Variants in SPTLC3 observed in about 807,000 individuals in gnomAD.
SPTLC3 encodes serine palmitoyltransferase 3.
In SPTLC3, 36 loss-of-function variants were observed where a neutral mutation model predicts 59.3. The ratio of observed to expected loss-of-function variants is 0.61; its 90% confidence interval spans 0.47 to 0.80. The LOEUF is 0.80. SPTLC3 is among the 30% of genes least tolerant of loss of function. The pLI is 0.00. For missense variants in SPTLC3, 625 were observed against 685.1 expected (o/e 0.91, Z 0.98); for synonymous variants, 257 against 240.8 (o/e 1.07, Z -0.62).
At chr20:13,056,466 T>C (rs1408953504) in intron 2 of SPTLC3, among the ~76,000 whole-genome samples, 1 of 150,952 alleles carries the variant, frequency 6.6e-6, no homozygotes, top group African/African-American at 2.4e-5. Context: ...TCTTTTTTTT[T>C]TTTTTGAGAC....
At chr20:13,084,921 A>G (rs1793285499) in intron 4 of SPTLC3, among the ~76,000 whole-genome samples, 1 of 152,230 alleles carries the variant, frequency 6.6e-6, no homozygotes, top group Non-Finnish European at 1.5e-5. Context: ...CTGTCTACTT[A>G]GAAAATCTTC....
chr20:13,010,314 C>T (rs1036862514), intron 1 of SPTLC3, among the ~76,000 whole-genome samples: 4 of 152,146 alleles, frequency 2.6e-5, no homozygotes, highest in East Asian at 1.9e-4. Flanking sequence ...TGCAATCTTC[C>T]ATCATTTGAT....
At chr20:13,040,075 G>GTA (rs1425451363) in intron 1 of SPTLC3, among the ~76,000 whole-genome samples, 3 of 140,892 alleles carry the variant, frequency 2.1e-5, no homozygotes, top group Non-Finnish European at 4.8e-5. Flanking sequence ...GTGTGTGTGT[G>GTA]TGTATGTATA....
intron 11 of SPTLC3, among the ~76,000 whole-genome samples, chr20:13,163,970 T>C (rs1045079993): frequency 1.2e-4 from 18 of 152,106 alleles, no homozygotes; most frequent in Admixed American, 2.0e-4. Context: ...TTGTTACATA[T>C]GTATACATGT....
At position 13,167,238 on chromosome 20, in the gene SPTLC3, T is replaced by C. The variant is rs1253617680; in HGVS notation, c.*2371T>C. The C allele has an allele frequency of 1.3e-5, 2 of 152,102 alleles. No individual in the cohort carries two copies. Among genetic ancestry groups the C allele is most frequent in the Non-Finnish European group, 2.9e-5 (2 of 67,998 alleles). The allele number at this position is 152,102 out of a possible 1,614,324, so 9.4% of individuals were successfully genotyped here. A position where few individuals can be genotyped will look rare whatever the true frequency, so the allele number is the denominator to read the frequency against. ...AAAAAGCTCTCAAATGCTAGGCTAA[T>C]AAGTTCATGATTTTAATTCATGATT... On this transcript the variant is annotated 3_prime_UTR_variant, in exon 12 of 12. Transcript: ENST00000399002.
intron 2 of SPTLC3, among the ~76,000 whole-genome samples, chr20:13,067,208 T>C (rs557654297): frequency 6.6e-6 from 1 of 151,964 alleles, no homozygotes; most frequent in South Asian, 2.1e-4. Context: ...TTTCTCTACA[T>C]TGGGGCATTG....
intron 1 of SPTLC3, among the ~76,000 whole-genome samples, chr20:13,023,380 G>A (rs1463697861): frequency 6.6e-6 from 1 of 152,028 alleles, no homozygotes; most frequent in African/African-American, 2.4e-5. Flanking sequence ...TAGACTGTGA[G>A]GTCCACCTGG....
At chr20:13,060,874 A>G (rs1183747774) in intron 2 of SPTLC3, among the ~76,000 whole-genome samples, 1 of 151,808 alleles carries the variant, frequency 6.6e-6, no homozygotes, top group Non-Finnish European at 1.5e-5. Context: ...TTGTTGATGG[A>G]CTGTTAGGTT....
intron 9 of SPTLC3, among the ~76,000 whole-genome samples, chr20:13,145,760 C>T (rs2038495599): frequency 6.6e-6 from 1 of 152,124 alleles, no homozygotes; most frequent in Non-Finnish European, 1.5e-5. Flanking sequence ...CTACAGCAAC[C>T]AAAACAGCAT....
intron 5 of SPTLC3, among the ~76,000 whole-genome samples, chr20:13,091,654 G>T (rs1989226959): frequency 1.3e-5 from 2 of 151,918 alleles, no homozygotes; most frequent in African/African-American, 4.8e-5. Flanking sequence ...TGGTATTTTT[G>T]AATAAGTATG....
intron 7 of SPTLC3, among the ~76,000 whole-genome samples, chr20:13,114,386 C>A (rs1990417152): frequency 1.3e-5 from 2 of 152,182 alleles, no homozygotes; most frequent in South Asian, 4.1e-4. Context: ...GGTTGAGAAT[C>A]TCAAAATTAT....
At chr20:13,044,130 TG>T (rs34347927) in intron 1 of SPTLC3, among the ~76,000 whole-genome samples, 18,157 of 150,172 alleles carry the variant, frequency 0.12, 1,199 homozygotes, top group Middle Eastern at 0.21. Context: ...GATGGAGTCT[TG>T]CTCTGTCACC....
intron 1 of SPTLC3, among the ~76,000 whole-genome samples, chr20:13,027,028 C>T (rs1428141085): frequency 2.0e-5 from 3 of 152,116 alleles, no homozygotes; most frequent in Non-Finnish European, 2.9e-5. Context: ...CTGCAGACCC[C>T]GGTGGAAGCG....
At chr20:13,029,618 C>T (rs897855008) in intron 1 of SPTLC3, among the ~76,000 whole-genome samples, 10 of 152,144 alleles carry the variant, frequency 6.6e-5, no homozygotes, top group African/African-American at 1.4e-4. Flanking sequence ...ATTTTCTTAG[C>T]GAATTACTTG....
At chr20:13,023,634 G>A (rs1331675119) in intron 1 of SPTLC3, among the ~76,000 whole-genome samples, 1 of 152,074 alleles carries the variant, frequency 6.6e-6, no homozygotes, top group East Asian at 1.9e-4. Context: ...TAATTCACAG[G>A]TTTCTTAAGC....
At chr20:13,067,478 T>G (rs943511789) in intron 2 of SPTLC3, among the ~76,000 whole-genome samples, 1 of 152,194 alleles carries the variant, frequency 6.6e-6, no homozygotes, top group African/African-American at 2.4e-5. Flanking sequence ...ATGTCTGTCT[T>G]TGTGATTCTT....
In SPTLC3 at chr20:13,117,515, T is replaced by A; in HGVS notation, c.942T>A (p.Gly314=). The A allele has an allele frequency of 6.3e-7, 1 of 1,592,994 alleles. No homozygotes were observed. The highest frequency in any genetic ancestry group is 8.5e-7 in the Non-Finnish European group (1 of 1,169,946). ...TCTCCTTCTGCCCTAGCATGGAAGG[T>A]TCCATCGTGCATCTGCCCCAGATCA... ...ILVEGVYSME[G]SIVHLPQIIA... Residue 314 remains glycine, a synonymous_variant, in exon 8 of 12, where the codon GGT becomes GGA. Coordinates refer to ENST00000399002, the MANE Select transcript of SPTLC3 (RefSeq NM_018327.4).
chr20:13,044,682 A>G (rs775738250), intron 1 of SPTLC3, among the ~76,000 whole-genome samples: 1 of 152,168 alleles, frequency 6.6e-6, no homozygotes, highest in Non-Finnish European at 1.5e-5. Context: ...GAGTTTTTGT[A>G]TTGTAGCAGG....
chr20:13,156,063 AACAC>A (rs374657343), intron 10 of SPTLC3, among the ~76,000 whole-genome samples: 1 of 151,140 alleles, frequency 6.6e-6, no homozygotes, highest in Non-Finnish European at 1.5e-5. Flanking sequence ...GACACATACA[AACAC>A]ACACACACAC....
Sources: allele counts gnomAD v4.1 joint callset (sites outside exome capture counted in the v4.1 genomes callset), GRCh38; gene constraint gnomAD v4.1.1; transcripts MANE v1.5; gene names NCBI Gene and HGNC (gene_info 2026-07-23, HGNC 2026-07-21).